SOBP: variants seen among roughly 807,000 people sequenced by gnomAD.
SOBP encodes sine oculis-binding protein homolog.
Under a neutral mutation model 53.6 loss-of-function variants are expected in SOBP, and 4 were observed. The ratio of observed to expected loss-of-function variants is 0.07; its 90% CI spans 0.04 to 0.17. The LOEUF (loss-of-function observed/expected upper bound fraction) is 0.17, where lower values mean the gene tolerates loss of function less well. SOBP is among the 10% of genes least tolerant of loss of function. The pLI, the probability that SOBP is intolerant of heterozygous loss-of-function variation, is 1.00. For missense variants in SOBP, 1,088 were observed against 1,204.7 expected, an observed-to-expected ratio of 0.90 and a Z score of 1.43; for synonymous variants, 584 against 522.6, an observed-to-expected ratio of 1.12 and a Z score of -1.60.
chr6:107,504,834 A>G (rs1782936825), intron 2 of SOBP, among the ~76,000 whole-genome samples: 1 of 152,256 alleles, frequency 6.6e-6, no homozygotes, highest in Admixed American at 6.5e-5. Context: ...CTACAGAGAT[A>G]GTATCATCAA....
intron 2 of SOBP, among the ~76,000 whole-genome samples, chr6:107,505,441 A>G (rs1202910844): frequency 6.6e-6 from 1 of 151,018 alleles, no homozygotes; most frequent in Admixed American, 6.6e-5. Context: ...TCGTGCCTCA[A>G]CCTCCCAAGT....
chr6:107,496,554 T>C (rs1047251971), intron 1 of SOBP, among the ~76,000 whole-genome samples: 2 of 152,194 alleles, frequency 1.3e-5, no homozygotes, highest in African/African-American at 4.8e-5. Context: ...TGAGTATTAG[T>C]GTTAATGATA....
At chr6:107,500,672 C>T (rs1439497798) in intron 1 of SOBP, among the ~76,000 whole-genome samples, 1 of 151,616 alleles carries the variant, frequency 6.6e-6, no homozygotes, top group Non-Finnish European at 1.5e-5. Flanking sequence ...CAGGCGCCCG[C>T]CACTACGCCC....
At chr6:107,491,011 C>T (rs943432745) in intron 1 of SOBP, among the ~76,000 whole-genome samples, 2 of 152,126 alleles carry the variant, frequency 1.3e-5, no homozygotes, top group African/African-American at 4.8e-5. Context: ...CGGCGTTGGG[C>T]AGGGGAAGAG....
chr6:107,574,701 A>G (rs928308332), intron 4 of SOBP, among the ~76,000 whole-genome samples: 1 of 152,034 alleles, frequency 6.6e-6, no homozygotes, highest in Non-Finnish European at 1.5e-5. Flanking sequence ...TCCTTGCCTC[A>G]TCTTGGTCCC....
Position 107,490,456 on chromosome 6 carries a change from C to G in SOBP, c.-161C>G. ...CGCTAGAAGAGACCCCGCTTCTCGG[C>G]GCCTGCCCTCCCCCTCGCGGCTCGG... On this transcript the variant is annotated 5_prime_UTR_variant, in exon 1 of 7. Coordinates refer to ENST00000317357, the MANE Select transcript of SOBP (RefSeq NM_018013.4). 1.7e-6 allele frequency: 1 copy of G among 598,562 alleles called. No homozygotes were observed. Among genetic ancestry groups the G allele is most frequent in the East Asian group, 2.9e-5 (1 of 34,006 alleles). The allele number at this position is 598,562 out of a possible 1,614,324, so 37.1% of individuals were successfully genotyped here. A position where few individuals can be genotyped will look rare whatever the true frequency, so the allele number is the denominator to read the frequency against.
At chr6:107,604,047 T>C (rs983372047) in intron 5 of SOBP, among the ~76,000 whole-genome samples, 1 of 152,228 alleles carries the variant, frequency 6.6e-6, no homozygotes, top group African/African-American at 2.4e-5. Flanking sequence ...CTGTTTCACC[T>C]ATTTTGTCTG....
At chr6:107,520,453 C>A (rs1388588239) in intron 3 of SOBP, among the ~76,000 whole-genome samples, 2 of 152,294 alleles carry the variant, frequency 1.3e-5, no homozygotes, top group South Asian at 4.1e-4. Flanking sequence ...GAACTCACTT[C>A]TGAAAGGGAT....
intron 5 of SOBP, among the ~76,000 whole-genome samples, chr6:107,631,501 C>G (rs1472140883): frequency 3.9e-5 from 6 of 152,294 alleles, no homozygotes; most frequent in African/African-American, 1.4e-4. Flanking sequence ...TACTTGTTTA[C>G]TTAACCTTTA....
intron 4 of SOBP, among the ~76,000 whole-genome samples, chr6:107,568,105 A>G (rs189826041): frequency 1.4e-4 from 21 of 152,360 alleles, no homozygotes; most frequent in African/African-American, 4.8e-4. Flanking sequence ...CAGCTGTACC[A>G]GTAACAATGA....
At chr6:107,654,098 T>G (rs1181442103) in intron 6 of SOBP, among the ~76,000 whole-genome samples, 2 of 152,196 alleles carry the variant, frequency 1.3e-5, no homozygotes, top group Non-Finnish European at 2.9e-5. Context: ...GGTGTGCAGT[T>G]ACGATTCCAT....
Position 107,532,272 on chromosome 6 carries a change from C to CACACACCA in SOBP, c.422-1187_422-1186insACACACCA, listed in dbSNP as rs56398781. 4.4e-3 allele frequency among the ~76,000 whole-genome samples: 480 copies of CACACACCA among 108,098 alleles called. 1 individual carries two copies. Among genetic ancestry groups the CACACACCA allele is most frequent in the Middle Eastern group, 0.018 (3 of 170 alleles). The allele number at this position is 108,098 out of a possible 152,430, so 70.9% of individuals were successfully genotyped here. A position where few individuals can be genotyped will look rare whatever the true frequency, so the allele number is the denominator to read the frequency against. On this transcript the variant is annotated intron_variant, in intron 3 of 6. Coordinates refer to ENST00000317357, the MANE Select transcript of SOBP (RefSeq NM_018013.4). Reference sequence around the variant, plus strand: ...ACACACACACACACACACACACACACCACACACACACACACACAGTCACTA... The same window carrying CACACACCA: ...ACACACACACACACACACACACACACACACACCACACACACACACACACACAGTCACTA...
chr6:107,653,315 C>G (rs1279963417), intron 6 of SOBP, among the ~76,000 whole-genome samples: 1 of 152,214 alleles, frequency 6.6e-6, no homozygotes, highest in Non-Finnish European at 1.5e-5. Flanking sequence ...CCGCAGGGCT[C>G]TACCCTTGTG....
At chr6:107,645,901 G>A (rs1357270857) in intron 6 of SOBP, among the ~76,000 whole-genome samples, 4 of 152,160 alleles carry the variant, frequency 2.6e-5, no homozygotes, top group Admixed American at 2.6e-4. Context: ...ATGACCTTCC[G>A]GTTCACTTGG....
chr6:107,596,238 C>T (rs1785943462), intron 5 of SOBP, among the ~76,000 whole-genome samples: 1 of 152,056 alleles, frequency 6.6e-6, no homozygotes, highest in Non-Finnish European at 1.5e-5. Context: ...TCATATATTA[C>T]AATTGATGAC....
At position 107,633,819 on chromosome 6, in the gene SOBP, C is replaced by A. The variant is rs1395513225; in HGVS notation, c.975C>A (p.Gly325=). 1 of 1,614,128 alleles carries A rather than the reference C, an allele frequency of 6.2e-7. No individual in the cohort carries two copies. Among genetic ancestry groups the A allele is most frequent in the East Asian group, 2.2e-5 (1 of 44,876 alleles). Residue 325 remains glycine, a synonymous_variant, in exon 6 of 7, where the codon GGC becomes GGA. Transcript: ENST00000317357. ...CAGCTGGCCAAAGCCAGGGCCCTGG[C>A]CCGTCGGCGTCCACCACCGTCTCTC... is the stretch of plus-strand genomic sequence containing the variant. The part of the protein sequence containing the change: ...VATAGQSQGP[G]PSASTTVSPS...
At chr6:107,504,479 A>G (rs1484031316) in intron 2 of SOBP, among the ~76,000 whole-genome samples, 1 of 152,202 alleles carries the variant, frequency 6.6e-6, no homozygotes, top group Non-Finnish European at 1.5e-5. Flanking sequence ...TCATGGGGGA[A>G]GTCTGTATGA....
intron 5 of SOBP, among the ~76,000 whole-genome samples, chr6:107,621,478 A>T (rs767702068): frequency 9.9e-5 from 15 of 152,240 alleles, no homozygotes; most frequent in Non-Finnish European, 2.1e-4. Flanking sequence ...ACCAGTGTGG[A>T]TATCCAAAGA....
chr6:107,600,840 A>G (rs1786152424), intron 5 of SOBP, among the ~76,000 whole-genome samples: 1 of 152,262 alleles, frequency 6.6e-6, no homozygotes, highest in Admixed American at 6.5e-5. Flanking sequence ...GGTGCCTACT[A>G]TGTGCAGGGC....
Sources: allele counts gnomAD v4.1 joint callset (sites outside exome capture counted in the v4.1 genomes callset), GRCh38; gene constraint gnomAD v4.1.1; transcripts MANE v1.5; gene names NCBI Gene and HGNC (gene_info 2026-07-23, HGNC 2026-07-21).